Variants in MBD1 observed in about 807,000 individuals in gnomAD.
MBD1 encodes the protein methyl-CpG-binding domain protein 1.
Under a neutral mutation model 82.6 loss-of-function variants are expected in MBD1, and 25 were observed. That is an observed-to-expected ratio of 0.30 (90% CI 0.22 to 0.42). The LOEUF (loss-of-function observed/expected upper bound fraction) is 0.42. Ranked by LOEUF, MBD1 falls within the 10% of genes least tolerant of loss-of-function variation. The pLI is 1.00. For missense variants in MBD1, 627 were observed against 819.6 expected (o/e 0.76, Z 2.87); for synonymous variants, 301 against 303.7 (o/e 0.99, Z 0.09).
Position 50,276,688 on chromosome 18 carries a change from A to G in MBD1, c.449T>C (p.Leu150Pro), listed in dbSNP as rs770291620. The G allele has an allele frequency of 6.2e-7, 1 of 1,614,156 alleles. No individual in the cohort carries two copies. Among genetic ancestry groups the G allele is most frequent in the East Asian group, 2.2e-5 (1 of 44,874 alleles). Residue 150 changes from leucine to proline, a missense_variant, in exon 5 of 17, where the codon CTC becomes CCC. Around this residue, in one of 6 missense-constraint regions of MBD1, gnomAD observed 228 missense variants for 318.1 expected, o/e 0.72. Transcript: ENST00000269468. ...TCGACAGTCTTTGCACAACGTTTTG[A>G]GCCGCTGCCTTTGGGTGCCATCCCC... ...FSGDGTQRQR[L>P]KTLCKDCRAQ...
At position 50,275,062 on chromosome 18, in the gene MBD1, G is replaced by T. The variant is rs1439251970; in HGVS notation, c.910-17C>A. Reference sequence around the variant, plus strand: ...TCTGGGGTGCTGTAGAGGCAAATGGGGTGGGGTCAGGGCAGGTACTGGGTA... The same window carrying T: ...TCTGGGGTGCTGTAGAGGCAAATGGTGTGGGGTCAGGGCAGGTACTGGGTA... On this transcript the variant is annotated splice_polypyrimidine_tract_variant and intron_variant, in intron 9 of 16. Coordinates refer to ENST00000269468, the MANE Select transcript of MBD1 (RefSeq NM_015846.4). 1 of 1,613,824 alleles carries T rather than the reference G, an allele frequency of 6.2e-7. No individual in the cohort carries two copies. Among genetic ancestry groups the T allele is most frequent in the Admixed American group, 1.7e-5 (1 of 60,028 alleles).
downstream of MBD1, among the ~76,000 whole-genome samples, chr18:50,267,874 T>C (rs545893713): frequency 2.6e-5 from 4 of 152,378 alleles, no homozygotes; most frequent in East Asian, 1.9e-4. Context: ...ATTTTGTATG[T>C]GGTATGTTTC....
intron 16 of MBD1, 66 bp from the exon 17 acceptor site, chr18:50,269,884 A>G (rs1568179365): frequency 2.0e-6 from 2 of 985,990 alleles, no homozygotes; most frequent in Non-Finnish European, 3.3e-6. Context: ...AGCTCCCACA[A>G]TGGCATGCGG....
rs891299327 is a variant in MBD1, at chr18:50,275,032, A to G, written c.923T>C (p.Leu308Pro). The change falls in exon 10 of 17, where the codon CTG (leucine) becomes CCG (proline). Residue 308 changes from leucine to proline, a missense_variant. By Grantham distance (98) the Leu-to-Pro change is moderately conservative. Around this residue, in one of 6 missense-constraint regions of MBD1, gnomAD observed 228 missense variants for 318.1 expected, o/e 0.72. Transcript: ENST00000269468. ...PEPTEPHPRA[L>P]APSPPAEFIY... is the part of the protein sequence containing the mutation. ...GAACTCGGCAGGTGGCGAGGGGGCC[A>G]GGGCTCTGGGGTGCTGTAGAGGCAA... is the stretch of plus-strand genomic sequence containing the variant. 3.1e-6 allele frequency: 5 copies of G among 1,614,038 alleles called. No homozygotes were observed. The highest frequency in any genetic ancestry group is 1.3e-5 in the African/African-American group (1 of 74,924).
chr18:50,275,922 G>A lies in MBD1; in HGVS notation c.576C>T (p.Ser192=), dbSNP rs2037671903. Residue 192 remains serine (S), a synonymous_variant, in exon 7 of 17, where the codon TCC becomes TCT. Transcript: ENST00000269468. The stretch of plus-strand genomic sequence containing the variant: ...CATGGGGCAGCTGCAGGAGGCAGGT[G>A]GAGCAGGCCCCACAGTCTTCTGTTA... ...CQVTEDCGAC[S]TCLLQLPHDV... is the part of the protein sequence containing the mutation. 4 of 1,614,070 alleles carry A rather than the reference G, an allele frequency of 2.5e-6. No individual in the cohort carries two copies. In the East Asian group the frequency reaches 8.9e-5, roughly 36 times the overall value.
At chr18:50,270,098 A>G (rs777880389) in intron 16 of MBD1, 2 of 1,598,358 alleles carry the variant, frequency 1.3e-6, no homozygotes, top group Non-Finnish European at 1.7e-6. Flanking sequence ...GGGGGAAACA[A>G]AGCAGTATCA....
At position 50,273,301 on chromosome 18, in the gene MBD1, C is replaced by T. The variant is rs200515140; in HGVS notation, c.1584+33G>A. 9.7e-5 allele frequency: 156 copies of T among 1,612,986 alleles called. 1 individual carries two copies. Among genetic ancestry groups the T allele is most frequent in the Non-Finnish European group, 1.2e-4 (142 of 1,179,666 alleles). ...ACTCTGCTTACAGACCACTCCGCTA[C>T]GGCACCAACAGAACATCCATCACTG... On this transcript the variant is annotated intron_variant, in intron 13 of 16. Transcript: ENST00000269468.
upstream of MBD1, chr18:50,281,718 C>G (rs967671430): frequency 5.1e-6 from 2 of 391,396 alleles, no homozygotes; most frequent in Non-Finnish European, 9.1e-6. Flanking sequence ...CTAACCCCTT[C>G]GAGGGACTGG....
chr18:50,273,007 G>C (rs999443169), intron 13 of MBD1, 52 bp from the exon 14 acceptor site: 1 of 1,610,914 alleles, frequency 6.2e-7, no homozygotes, highest in Non-Finnish European at 8.5e-7. Context: ...TTCACCTGAG[G>C]AAAGTCTCTA....
chr18:50,277,787 C>G (rs2148484163), intron 2 of MBD1, among the ~76,000 whole-genome samples: 1 of 152,184 alleles, frequency 6.6e-6, no homozygotes, highest in South Asian at 2.1e-4. Context: ...GATAGGGTCT[C>G]CTTCCATAGG....
rs140907581 is a variant in MBD1 at position 50,276,633 on chromosome 18, C to T, written c.475+29G>A. The T allele has an allele frequency of 9.9e-6, 16 of 1,612,038 alleles. No homozygotes were observed. In the Middle Eastern group the frequency reaches 5.0e-4, roughly 50 times the overall value. Reference sequence around the variant, plus strand: ...TGGACCTGCTCCAGCTCCTATCTCCCGATGCCCCATCCTCTGGAGGCCACT... The same window carrying T: ...TGGACCTGCTCCAGCTCCTATCTCCTGATGCCCCATCCTCTGGAGGCCACT... On this transcript the variant is annotated intron_variant, in intron 5 of 16. Coordinates refer to ENST00000269468, the MANE Select transcript of MBD1 (RefSeq NM_015846.4).
intron 15 of MBD1, chr18:50,272,457 C>G (rs943299796): frequency 3.3e-6 from 2 of 608,684 alleles, no homozygotes; most frequent in Non-Finnish European, 5.9e-6. Context: ...TTCCCCTACC[C>G]CCAAAGGAGA....
In MBD1 at chr18:50,273,555, G is replaced by A. The variant is rs748432414; in HGVS notation, c.1446+9C>T. ...AGGCTGGGAAGGCAGGACAGGGTGGGGCCCTCACCTGCAACAGGGCTTCTG... is the reference window on the plus strand; with the variant it reads ...AGGCTGGGAAGGCAGGACAGGGTGGAGCCCTCACCTGCAACAGGGCTTCTG... On this transcript the variant is annotated intron_variant, in intron 12 of 16. Transcript: ENST00000269468. The A allele has an allele frequency of 5.6e-6, 9 of 1,612,792 alleles. No homozygotes were observed. The East Asian group carries it at 1.1e-4, about 20-fold the overall frequency.
chr18:50,268,724 G>T, downstream of MBD1: 1 of 193,104 alleles, frequency 5.2e-6, no homozygotes, highest in Non-Finnish European at 9.5e-6. Flanking sequence ...TAAGTGAATC[G>T]CTCAGGGTCC....
chr18:50,279,724 A>C (rs1250806500), intron 2 of MBD1, 159 bp downstream of exon 2: 2 of 970,706 alleles, frequency 2.1e-6, no homozygotes, highest in Admixed American at 4.9e-5. Flanking sequence ...TTACAAATAA[A>C]TTTTATTAAG....
chr18:50,274,522 T>C (rs977540287), intron 10 of MBD1, among the ~76,000 whole-genome samples, 169 bp from the exon 11 acceptor site: 1 of 152,320 alleles, frequency 6.6e-6, no homozygotes, highest in East Asian at 1.9e-4. Flanking sequence ...CATTCGCTAG[T>C]TCAACATTGG....
Position 50,269,262 on chromosome 18 carries a change from A to G in MBD1, c.*589T>C, listed in dbSNP as rs1351527298. On this transcript the variant is annotated 3_prime_UTR_variant, in exon 17 of 17. Transcript: ENST00000269468. Reference sequence around the variant, plus strand: ...TCTTCAGCTTTGCATTTTCAGCCACATAGTTATATTGAGTTATCCTCAGGT... The same window carrying G: ...TCTTCAGCTTTGCATTTTCAGCCACGTAGTTATATTGAGTTATCCTCAGGT... The G allele has an allele frequency of 1.8e-6, 2 of 1,118,770 alleles. No homozygotes were observed. The highest frequency in any genetic ancestry group is 2.2e-6 in the Non-Finnish European group (2 of 908,676). 69.3% of individuals were successfully genotyped at this position (1,118,770 alleles called of 1,614,324 possible).
chr18:50,276,994 T>A lies in MBD1; in HGVS notation c.230A>T (p.His77Leu), dbSNP rs767894080. The A allele has an allele frequency of 1.2e-6, 2 of 1,614,206 alleles. No individual in the cohort carries two copies. The highest frequency in any genetic ancestry group is 2.2e-5 in the East Asian group (1 of 44,882). Residue 77 changes from histidine to leucine, a missense_variant, in exon 4 of 17, where the codon CAT becomes CTT. Coordinates refer to ENST00000269468, the MANE Select transcript of MBD1 (RefSeq NM_015846.4). ...CTTCTTGCTGGCAACCGCCACGGGA[T>A]GGGCCTGGAAAGTAAGGGAAGGAGG... ...GILCYPAPKA[H>L]PVAVASKKRK... is the part of the protein sequence containing the mutation.
rs2037530006 is a variant in MBD1 at position 50,275,589 on chromosome 18, GC to G, written c.792+10del. The G allele has an allele frequency of 1.2e-6, 2 of 1,614,048 alleles. No homozygotes were observed. The highest frequency in any genetic ancestry group is 1.7e-6 in the Non-Finnish European group (2 of 1,180,030). On this transcript the variant is annotated intron_variant, in intron 8 of 16. Coordinates refer to ENST00000269468, the MANE Select transcript of MBD1 (RefSeq NM_015846.4). ...AGCAGAATGAGCTCTGCTCCCTCCA[GC>G]CCAACTCACCCGTAGGCAACGTCGC...
Sources: allele counts gnomAD v4.1 joint callset (sites outside exome capture counted in the v4.1 genomes callset), GRCh38; gene constraint gnomAD v4.1.1; regional missense constraint gnomAD v4.1.1; transcripts MANE v1.5; gene names NCBI Gene and HGNC (gene_info 2026-07-23, HGNC 2026-07-21).